The following PTPRD variants were observed in gnomAD, a reference collection of about 807,000 sequenced individuals.
PTPRD encodes protein tyrosine phosphatase receptor type D.
A neutral mutation model predicts 214.5 loss-of-function variants in PTPRD; 34 were observed. The ratio of observed to expected loss-of-function variants is 0.16; its 90% confidence interval spans 0.12 to 0.21. The LOEUF (loss-of-function observed/expected upper bound fraction) is 0.21, where lower values mean the gene tolerates loss of function less well. Ranked by LOEUF, PTPRD falls within the 10% of genes least tolerant of loss-of-function variation. The pLI, the probability that PTPRD is intolerant of heterozygous loss-of-function variation, is 1.00. For missense variants in PTPRD, 2,545 were observed against 2,398.7 expected, an observed-to-expected ratio of 1.06 and a Z score of -1.27; for synonymous variants, 1,128 against 845.7, an observed-to-expected ratio of 1.33 and a Z score of -5.79.
intron 3 of PTPRD, among the ~76,000 whole-genome samples, chr9:10,049,435 GAAAAGA>G (rs1567316599): frequency 5.9e-5 from 7 of 119,262 alleles, no homozygotes; most frequent in African/African-American, 2.5e-4. Context: ...AAGAAAGAAA[GAAAAGA>G]AAAAAAAAAA....
At chr9:8,697,298 A>G (rs1013930151) in intron 12 of PTPRD, among the ~76,000 whole-genome samples, 18 of 152,016 alleles carry the variant, frequency 1.2e-4, no homozygotes, top group African/African-American at 3.9e-4. Context: ...TAGAGGCCCA[A>G]TGAGATGGAT....
At chr9:10,368,728 A>G (rs2097558954) in intron 2 of PTPRD, among the ~76,000 whole-genome samples, 2 of 152,228 alleles carry the variant, frequency 1.3e-5, no homozygotes, top group South Asian at 4.1e-4. Flanking sequence ...TTTCTTAAAC[A>G]TATGATGATG....
intron 12 of PTPRD, among the ~76,000 whole-genome samples, chr9:8,722,725 T>A (rs2154421654): frequency 6.6e-6 from 1 of 152,330 alleles, no homozygotes; most frequent in Non-Finnish European, 1.5e-5. Context: ...CGTCCTTCAC[T>A]ATCTGCAGCT....
At chr9:10,117,289 G>A (rs1015880489) in intron 3 of PTPRD, among the ~76,000 whole-genome samples, 2 of 152,120 alleles carry the variant, frequency 1.3e-5, no homozygotes, top group African/African-American at 4.8e-5. Context: ...TAGAACCTGA[G>A]AAGTTAGACA....
At chr9:9,528,733 A>G (rs78691312) in intron 8 of PTPRD, among the ~76,000 whole-genome samples, 4,850 of 152,144 alleles carry the variant, frequency 0.032, 269 homozygotes, top group African/African-American at 0.11. Flanking sequence ...GAAATATTGC[A>G]TGCAGATAAA....
chr9:9,093,678 G>A lies in PTPRD; in HGVS notation c.-142-74943C>T, dbSNP rs574820769. The stretch of plus-strand genomic sequence containing the variant: ...CCTGTTAAAATTTGGGCGGGGGGGC[G>A]GATGTAGCTAAACAGGCATATAGAG... On this transcript the variant is annotated intron_variant, in intron 10 of 45. Transcript: ENST00000381196. Among the ~76,000 whole-genome samples the A allele has an allele frequency of 9.9e-5, 15 of 151,426 alleles. No homozygotes were observed. In the South Asian group the frequency reaches 1.0e-3, roughly 11 times the overall value.
At chr9:10,360,869 A>G (rs934851532) in intron 2 of PTPRD, among the ~76,000 whole-genome samples, 23 of 152,244 alleles carry the variant, frequency 1.5e-4, no homozygotes, top group Non-Finnish European at 2.4e-4. Flanking sequence ...TTGGGAGGCC[A>G]AGACGGGCAG....
chr9:9,425,016 A>G (rs1196336375), intron 8 of PTPRD, among the ~76,000 whole-genome samples: 1 of 152,168 alleles, frequency 6.6e-6, no homozygotes, highest in Non-Finnish European at 1.5e-5. Flanking sequence ...GTGTTATTAT[A>G]TCAGTTCTTA....
At chr9:9,615,723 T>G (rs2154348756) in intron 7 of PTPRD, among the ~76,000 whole-genome samples, 1 of 152,322 alleles carries the variant, frequency 6.6e-6, no homozygotes, top group East Asian at 1.9e-4. Flanking sequence ...TGAATTACCT[T>G]TGTGCCAGGC....
chr9:9,590,142 T>A (rs2092567298), intron 7 of PTPRD, among the ~76,000 whole-genome samples: 1 of 152,080 alleles, frequency 6.6e-6, no homozygotes, highest in Non-Finnish European at 1.5e-5. Flanking sequence ...ACTTACTGTA[T>A]GGTGACTGTT....
rs73433131 is a variant in PTPRD, at chr9:8,853,823, G to A, written c.-103-119877C>T. Among the ~76,000 whole-genome samples the A allele has an allele frequency of 3.5e-3, 533 of 152,228 alleles. 1 individual carries two copies. The highest frequency in any genetic ancestry group is 0.012 in the African/African-American group (497 of 41,550). ...GCTTGAGGCAGTAAGCTGCCTCTTT[G>A]CCATCACAAGTAAGCAGCTTTCCTA... On this transcript the variant is annotated intron_variant, in intron 11 of 45. Coordinates refer to ENST00000381196, the MANE Select transcript of PTPRD (RefSeq NM_002839.4).
At chr9:9,552,257 A>G (rs1037189173) in intron 8 of PTPRD, among the ~76,000 whole-genome samples, 1 of 152,072 alleles carries the variant, frequency 6.6e-6, no homozygotes, top group Non-Finnish European at 1.5e-5. Context: ...GAAGGAAAGC[A>G]GTACATAAAG....
intron 9 of PTPRD, among the ~76,000 whole-genome samples, chr9:9,245,708 A>T (rs2131288510): frequency 6.6e-6 from 1 of 152,272 alleles, no homozygotes; most frequent in African/African-American, 2.4e-5. Flanking sequence ...AACATGGCAC[A>T]TGTATACATA....
intron 2 of PTPRD, among the ~76,000 whole-genome samples, chr9:10,517,729 A>C (rs1055774201): frequency 1.3e-5 from 2 of 152,202 alleles, no homozygotes; most frequent in Admixed American, 6.5e-5. Context: ...ACAATGTACA[A>C]AGACAGAAGA....
At chr9:10,303,452 CA>C (rs2095936558) in intron 3 of PTPRD, among the ~76,000 whole-genome samples, 4 of 151,518 alleles carry the variant, frequency 2.6e-5, no homozygotes, top group African/African-American at 9.7e-5. Flanking sequence ...AAAAAACCTT[CA>C]AAAAATAAAT....
chr9:9,588,253 G>GA (rs2092314765), intron 7 of PTPRD, among the ~76,000 whole-genome samples: 1 of 151,938 alleles, frequency 6.6e-6, no homozygotes, highest in South Asian at 2.1e-4. Context: ...ACAGAAGGGA[G>GA]AAAAAATAAA....
intron 2 of PTPRD, among the ~76,000 whole-genome samples, chr9:10,453,598 G>A (rs2098870032): frequency 6.6e-6 from 1 of 151,270 alleles, no homozygotes; most frequent in Admixed American, 6.6e-5. Flanking sequence ...TATTTTTCAG[G>A]CATTTCATTG....
At chr9:9,386,872 C>G (rs1586766884) in intron 9 of PTPRD, among the ~76,000 whole-genome samples, 2 of 152,152 alleles carry the variant, frequency 1.3e-5, no homozygotes, top group East Asian at 3.9e-4. Context: ...AGGTCCATCT[C>G]AGGCTCCTGA....
At chr9:9,469,722 GTT>G (rs907989758) in intron 8 of PTPRD, among the ~76,000 whole-genome samples, 1 of 152,148 alleles carries the variant, frequency 6.6e-6, no homozygotes, top group Non-Finnish European at 1.5e-5. Flanking sequence ...TCTTCTTGAA[GTT>G]TTTAAAATGC....
Sources: gnomAD v4.1 joint callset for allele counts (sites outside exome capture counted in the v4.1 genomes callset) on GRCh38, gnomAD v4.1.1 for gene constraint, MANE v1.5 for transcripts, NCBI Gene and HGNC (gene_info 2026-07-23, HGNC 2026-07-21) for gene names.